NUP160: variants seen among roughly 807,000 people sequenced by gnomAD.
The protein encoded by NUP160 is nuclear pore complex protein Nup160.
In NUP160, 94 loss-of-function variants were observed where a neutral mutation model predicts 196.9. The observed-to-expected ratio is 0.48, with a 90% CI of 0.40 to 0.57. The LOEUF (loss-of-function observed/expected upper bound fraction) is 0.57, where lower values mean the gene tolerates loss of function less well. Ranked by LOEUF, NUP160 falls within the 20% of genes least tolerant of loss-of-function variation. The pLI is 0.00. For missense variants in NUP160, 1,638 were observed against 1,748.3 expected (o/e 0.94, Z 1.13); for synonymous variants, 605 against 619.7 (o/e 0.98, Z 0.35).
chr11:47,804,536 CA>C lies in NUP160; in HGVS notation c.2676+12del. The C allele has an allele frequency of 6.6e-7, 1 of 1,513,076 alleles. No homozygotes were observed. The highest frequency in any genetic ancestry group is 2.5e-5 in the East Asian group (1 of 39,610). The allele number at this position is 1,513,076 out of a possible 1,614,324, so 93.7% of individuals were successfully genotyped here. Reference sequence around the variant, plus strand: ...CAAGAATGTGTAGACATGAAATGTTCAAAGGAACTCACCTGCAATTGTACAT... The same window carrying C: ...CAAGAATGTGTAGACATGAAATGTTCAAGGAACTCACCTGCAATTGTACAT... On this transcript the variant is annotated intron_variant, in intron 21 of 35. Transcript: ENST00000378460.
chr11:47,819,326 AG>A (rs758250061), intron 10 of NUP160, 47 bp downstream of exon 10: 53 of 1,347,430 alleles, frequency 3.9e-5, no homozygotes, highest in Non-Finnish European at 4.9e-5. Flanking sequence ...AAAAAAAAAA[AG>A]ATCAAAGTAA....
At chr11:47,821,753 T>C in exon 9 of NUP160, 1 of 1,614,058 alleles carries the variant, frequency 6.2e-7, no homozygotes, top group Non-Finnish European at 8.5e-7. Flanking sequence ...TCACTACTGT[T>C]TGGTTCTCAG....
At chr11:47,813,896 C>T (rs906170732) in intron 13 of NUP160, among the ~76,000 whole-genome samples, 1 of 151,388 alleles carries the variant, frequency 6.6e-6, no homozygotes, top group Admixed American at 6.6e-5. Context: ...ACGGTGAAAC[C>T]CCGTCTCTAC....
intron 33 of NUP160, among the ~76,000 whole-genome samples, chr11:47,784,331 T>C (rs1050038090): frequency 2.0e-5 from 3 of 152,160 alleles, no homozygotes; most frequent in African/African-American, 7.2e-5. Context: ...GGTGAAACAG[T>C]GGGAGTGGAG....
chr11:47,802,074 A>G (rs1565193227), intron 22 of NUP160, 144 bp from the exon 23 acceptor site: 3 of 670,508 alleles, frequency 4.5e-6, no homozygotes, highest in Non-Finnish European at 7.4e-6. Context: ...TCTGACACAT[A>G]TGAATTCTAT....
chr11:47,831,367 A>C (rs1040540566), intron 7 of NUP160, among the ~76,000 whole-genome samples: 1 of 152,234 alleles, frequency 6.6e-6, no homozygotes, highest in African/African-American at 2.4e-5. Flanking sequence ...ACAAGTGTTG[A>C]CAAGTATATA....
chr11:47,845,338 C>T lies in NUP160; in HGVS notation c.314+2510G>A, dbSNP rs1852380234. On this transcript the variant is annotated intron_variant, in intron 2 of 35. Transcript: ENST00000378460. ...TATTTTTAGTAGAGACACGGTTTCA[C>T]CATGTTGGTCAGGCTGGTCTCGAAC... Among the ~76,000 whole-genome samples, 5 of 152,164 alleles carry T rather than the reference C, an allele frequency of 3.3e-5. No individual in the cohort carries two copies. The South Asian group carries it at 1.0e-3, about 32-fold the overall frequency.
At chr11:47,779,883 A>C (rs1447077653) in intron 35 of NUP160, among the ~76,000 whole-genome samples, 1 of 152,124 alleles carries the variant, frequency 6.6e-6, no homozygotes, top group Non-Finnish European at 1.5e-5. Flanking sequence ...GCCCGCCACC[A>C]TGCCTGGCTA....
chr11:47,779,076 C>A (rs80090905), exon 36 of NUP160: 1 of 1,534,356 alleles, frequency 6.5e-7, no homozygotes, highest in Non-Finnish European at 9.0e-7. Context: ...AGGCACCAAG[C>A]GGTTACAAAG....
At chr11:47,847,647 G>GT (rs1852424735) in intron 2 of NUP160, among the ~76,000 whole-genome samples, 1 of 93,024 alleles carries the variant, frequency 1.1e-5, no homozygotes, top group Non-Finnish European at 2.5e-5. Context: ...GTGTGTGGGG[G>GT]TGGGGGGGGG....
intron 2 of NUP160, chr11:47,841,415 T>C (rs569377985): frequency 4.3e-6 from 2 of 465,300 alleles, no homozygotes; most frequent in South Asian, 2.4e-5. Context: ...TCAGAATTCA[T>C]CTCCACTTGG....
Position 47,784,884 on chromosome 11 carries a change from A to C in NUP160, c.3990+38T>G, listed in dbSNP as rs368843469. 28 of 1,457,308 alleles carry C rather than the reference A, an allele frequency of 1.9e-5. No individual in the cohort carries two copies. In the African/African-American group the frequency reaches 3.5e-4, roughly 18 times the overall value. The allele number at this position is 1,457,308 out of a possible 1,614,324, so 90.3% of individuals were successfully genotyped here. A position where few individuals can be genotyped will look rare whatever the true frequency, so the allele number is the denominator to read the frequency against. Reference sequence around the variant, plus strand: ...CATGAAGTTATCCAGAATGATAAAGAGTGGGTTCTTACTCTGTACAAGTTA... The same window carrying C: ...CATGAAGTTATCCAGAATGATAAAGCGTGGGTTCTTACTCTGTACAAGTTA... On this transcript the variant is annotated intron_variant, in intron 33 of 35. Coordinates refer to ENST00000378460, the Ensembl canonical transcript of NUP160.
At chr11:47,829,146 A>G (rs1852028671) in intron 7 of NUP160, among the ~76,000 whole-genome samples, 1 of 151,556 alleles carries the variant, frequency 6.6e-6, no homozygotes, top group South Asian at 2.1e-4. Context: ...ACCATCAAGA[A>G]AGTGAAAAGA....
chr11:47,794,861 C>T (rs183321514), intron 27 of NUP160, among the ~76,000 whole-genome samples: 1 of 151,806 alleles, frequency 6.6e-6, no homozygotes, highest in South Asian at 2.1e-4. Context: ...TGCAGTGAGC[C>T]GAGATTATGC....
exon 20 of NUP160, chr11:47,806,262 T>C: frequency 6.2e-7 from 1 of 1,613,804 alleles, no homozygotes; most frequent in Non-Finnish European, 8.5e-7. Flanking sequence ...ATAATGTGTT[T>C]TCTTGCAACT....
intron 34 of NUP160, among the ~76,000 whole-genome samples, chr11:47,781,763 C>T (rs577808451): frequency 1.8e-4 from 28 of 152,160 alleles, no homozygotes; most frequent in South Asian, 1.0e-3. Context: ...AACACAGTCC[C>T]GGCACACACA....
At chr11:47,809,564 T>C (rs1487784994) in intron 17 of NUP160, among the ~76,000 whole-genome samples, 1 of 151,778 alleles carries the variant, frequency 6.6e-6, no homozygotes, top group African/African-American at 2.4e-5. Context: ...GTCTGGCCAA[T>C]ATGGCGAAAC....
Position 47,812,432 on chromosome 11 carries a change from A to G in NUP160, c.1953-3T>C, listed in dbSNP as rs564545037. 2.0e-5 allele frequency: 33 copies of G among 1,611,560 alleles called. No individual in the cohort carries two copies. In the East Asian group the frequency reaches 6.2e-4, roughly 30 times the overall value. The stretch of plus-strand genomic sequence containing the variant: ...AAATATCCTCCATCACATTTTCTCT[A>G]TAAGGACAATTACAAAACTCTTATT... On this transcript the variant is annotated splice_polypyrimidine_tract_variant and splice_region_variant and intron_variant, in intron 15 of 35. Transcript: ENST00000378460.
chr11:47,822,241 T>A, intron 7 of NUP160, 77 bp from the exon 8 acceptor site: 1 of 1,018,504 alleles, frequency 9.8e-7, no homozygotes, highest in Non-Finnish European at 1.5e-6. Flanking sequence ...CTATTACCAT[T>A]CAGAAACCTT....
Sources: gnomAD v4.1 joint callset for allele counts (sites outside exome capture counted in the v4.1 genomes callset) on GRCh38, gnomAD v4.1.1 for gene constraint, MANE v1.5 for transcripts, NCBI Gene and HGNC (gene_info 2026-07-23, HGNC 2026-07-21) for gene names.